The following ARHGAP31 variants were observed in gnomAD, a reference collection of about 807,000 sequenced individuals.
ARHGAP31 encodes Rho GTPase activating protein 31, also known as rho GTPase-activating protein 31.
Under a neutral mutation model 113.9 loss-of-function variants are expected in ARHGAP31, and 34 were observed. The ratio of observed to expected loss-of-function variants is 0.30; its 90% CI spans 0.23 to 0.40. The LOEUF (loss-of-function observed/expected upper bound fraction) is 0.40. Among genes scored for constraint, ARHGAP31 ranks in the 10% least tolerant of loss-of-function variants. The probability of loss-of-function intolerance (pLI) is 1.00; values close to 1 mark genes in which losing one functional copy is unlikely to be tolerated. For missense variants in ARHGAP31, 1,548 were observed against 1,767.1 expected, an observed-to-expected ratio of 0.88 and a Z score of 2.22; for synonymous variants, 650 against 684.8, an observed-to-expected ratio of 0.95 and a Z score of 0.79.
chr3:119,415,240 C>T lies in ARHGAP31; in HGVS notation c.3311C>T (p.Pro1104Leu). 1 of 1,614,184 alleles carries T rather than the reference C, an allele frequency of 6.2e-7. No individual in the cohort carries two copies. The highest frequency in any genetic ancestry group is 2.2e-5 in the East Asian group (1 of 44,888). Residue 1104 changes from proline (P) to leucine (L), a missense_variant, in exon 12 of 12, where the codon CCT becomes CTT. Transcript: ENST00000264245. ...ECGPPKGKNR[P>L]SSLNLDPAIP... ...GGGCCCCCAAAAGGGAAAAACAGGC[C>T]TTCTTCCCTCAACTTGGACCCTGCC...
chr3:119,381,495 G>A (rs1188469262), intron 4 of ARHGAP31, among the ~76,000 whole-genome samples: 1 of 152,038 alleles, frequency 6.6e-6, no homozygotes, highest in Non-Finnish European at 1.5e-5. Flanking sequence ...TTTTACAAGG[G>A]GGCAGATTTT....
chr3:119,319,165 A>G (rs1179351107), intron 1 of ARHGAP31, among the ~76,000 whole-genome samples: 1 of 151,736 alleles, frequency 6.6e-6, no homozygotes, highest in African/African-American at 2.4e-5. Flanking sequence ...CACCAACCAC[A>G]GAGATTAATC....
chr3:119,309,979 A>G (rs2079665267), intron 1 of ARHGAP31, among the ~76,000 whole-genome samples: 1 of 151,918 alleles, frequency 6.6e-6, no homozygotes, highest in African/African-American at 2.4e-5. Context: ...TCAGGTCTCA[A>G]AAAAGAAAAC....
chr3:119,397,474 G>A (rs904709880), intron 8 of ARHGAP31, among the ~76,000 whole-genome samples: 1 of 152,238 alleles, frequency 6.6e-6, no homozygotes, highest in African/African-American at 2.4e-5. Flanking sequence ...AAGGGATGCT[G>A]ACCAGGTAGT....
intron 7 of ARHGAP31, among the ~76,000 whole-genome samples, chr3:119,391,598 T>TCCCC (rs1422804516): frequency 2.3e-5 from 2 of 87,094 alleles, no homozygotes; most frequent in South Asian, 5.0e-4. Context: ...TACCCCCCCC[T>TCCCC]CCCCCCCGCC....
chr3:119,335,119 G>A (rs1332798681), intron 1 of ARHGAP31, among the ~76,000 whole-genome samples: 1 of 152,100 alleles, frequency 6.6e-6, no homozygotes, highest in East Asian at 1.9e-4. Context: ...TAGGCTCTAA[G>A]CCCAGCCAAC....
At chr3:119,363,611 G>A (rs2080228723) in intron 1 of ARHGAP31, among the ~76,000 whole-genome samples, 1 of 152,152 alleles carries the variant, frequency 6.6e-6, no homozygotes, top group Admixed American at 6.5e-5. Flanking sequence ...GTTACTTGAA[G>A]GCCACAAGGG....
chr3:119,298,716 G>A lies in ARHGAP31; in HGVS notation c.100+3712G>A, dbSNP rs75956174. 558 of 156,780 alleles carry A rather than the reference G, an allele frequency of 3.6e-3. 1 individual carries two copies. The highest frequency in any genetic ancestry group is 5.9e-3 in the Non-Finnish European group (409 of 69,678). 9.7% of individuals were successfully genotyped at this position (156,780 alleles called of 1,614,324 possible). On this transcript the variant is annotated intron_variant, in intron 1 of 11. Transcript: ENST00000264245. ...TTGTGCCAAAAAGGGCTGCAGCCACGTGCAGCCTGTTCGCTGCACCATCTG... is the reference window on the plus strand; with the variant it reads ...TTGTGCCAAAAAGGGCTGCAGCCACATGCAGCCTGTTCGCTGCACCATCTG...
Position 119,415,041 on chromosome 3 carries a change from A to T in ARHGAP31, c.3112A>T (p.Ile1038Phe), listed in dbSNP as rs1484597984. The T allele has an allele frequency of 6.2e-7, 1 of 1,614,160 alleles. No homozygotes were observed. Among genetic ancestry groups the T allele is most frequent in the East Asian group, 2.2e-5 (1 of 44,872 alleles). Residue 1038 changes from isoleucine (I) to phenylalanine (F), a missense_variant, in exon 12 of 12, where the codon ATC becomes TTC. Physicochemically the swap from Ile to Phe is conservative, Grantham distance 21. Transcript: ENST00000264245. ...ACCCAACCCAGCAGAAACCAGCCCC[A>T]TCAGCCTAGCAGAGGGAAAGGAGCT... is the stretch of plus-strand genomic sequence containing the variant. ...VQPNPAETSP[I>F]SLAEGKELGT...
intron 1 of ARHGAP31, among the ~76,000 whole-genome samples, chr3:119,308,133 T>C (rs1273705551): frequency 2.6e-5 from 4 of 152,044 alleles, no homozygotes; most frequent in South Asian, 4.1e-4. Flanking sequence ...GAGTGAAGGA[T>C]TGTAAAATGC....
intron 6 of ARHGAP31, among the ~76,000 whole-genome samples, chr3:119,384,019 AG>A (rs2080426263): frequency 6.6e-6 from 1 of 152,198 alleles, no homozygotes; most frequent in Non-Finnish European, 1.5e-5. Flanking sequence ...ATTTCTAACA[AG>A]TTTTCAGGTG....
Position 119,402,417 on chromosome 3 carries a change from T to TAGG in ARHGAP31, c.1645+21_1645+22insGGA, listed in dbSNP as rs559466447. The TAGG allele has an allele frequency of 7.2e-5, 115 of 1,604,488 alleles. No homozygotes were observed. In the East Asian group the frequency reaches 2.5e-3, roughly 35 times the overall value. On this transcript the variant is annotated intron_variant, in intron 10 of 11. Coordinates refer to ENST00000264245, the MANE Select transcript of ARHGAP31 (RefSeq NM_020754.4). ...CTGCAGGTAAGTAGAGGAGAGAGGG[T>TAGG]ATCTTTCCGTTGCAAGAGAGAAAAA... is the stretch of plus-strand genomic sequence containing the variant.
Position 119,401,991 on chromosome 3 carries a change from G to T in ARHGAP31, c.1239G>T (p.Val413=), listed in dbSNP as rs1213789582. The T allele has an allele frequency of 6.2e-7, 1 of 1,614,154 alleles. No individual in the cohort carries two copies. Among genetic ancestry groups the T allele is most frequent in the Admixed American group, 1.7e-5 (1 of 60,026 alleles). ...CCGGGGCTGAGGGTGGCTTTGATGT[G>T]AGCAGTGATCGCAGCCATCTCCAGG... The part of the protein sequence containing the change: ...MPPGAEGGFD[V]SSDRSHLQGA... The change falls in exon 10 of 12, where the codon GTG becomes GTT. Residue 413 remains valine, a synonymous_variant. Transcript: ENST00000264245.
intron 1 of ARHGAP31, among the ~76,000 whole-genome samples, chr3:119,317,379 C>T (rs1014497830): frequency 9.9e-5 from 15 of 152,062 alleles, no homozygotes; most frequent in African/African-American, 3.4e-4. Flanking sequence ...GGGGTTTCAC[C>T]GTGTTAGCCA....
intron 1 of ARHGAP31, among the ~76,000 whole-genome samples, chr3:119,296,239 C>T (rs1217440009): frequency 6.6e-6 from 1 of 152,228 alleles, no homozygotes; most frequent in Non-Finnish European, 1.5e-5. Context: ...AGAGTTCAGT[C>T]TGCTGTGTCA....
At chr3:119,363,362 G>A (rs549882495) in intron 1 of ARHGAP31, among the ~76,000 whole-genome samples, 2 of 152,176 alleles carry the variant, frequency 1.3e-5, no homozygotes, top group Admixed American at 1.3e-4. Flanking sequence ...GACAGGCAGA[G>A]GCTCTGGACC....
chr3:119,344,339 A>G (rs1370297994), intron 1 of ARHGAP31, among the ~76,000 whole-genome samples: 1 of 152,226 alleles, frequency 6.6e-6, no homozygotes, highest in African/African-American at 2.4e-5. Flanking sequence ...AGGACACAGT[A>G]TCTCTGAAGA....
At chr3:119,405,490 T>C (rs2080652510) in intron 10 of ARHGAP31, among the ~76,000 whole-genome samples, 1 of 152,132 alleles carries the variant, frequency 6.6e-6, no homozygotes, top group South Asian at 2.1e-4. Context: ...GCCAAGCAGC[T>C]TCCACTTAAG....
At chr3:119,379,151 G>A (rs1262769318) in intron 3 of ARHGAP31, among the ~76,000 whole-genome samples, 1 of 152,248 alleles carries the variant, frequency 6.6e-6, no homozygotes. Flanking sequence ...CACACCTACT[G>A]TGTGCCAGGC....
Sources: allele counts gnomAD v4.1 joint callset (sites outside exome capture counted in the v4.1 genomes callset), GRCh38; gene constraint gnomAD v4.1.1; transcripts MANE v1.5; gene names NCBI Gene and HGNC (gene_info 2026-07-23, HGNC 2026-07-21).